The following HSPBAP1 variants were observed in gnomAD, a reference collection of about 807,000 sequenced individuals.
The protein encoded by HSPBAP1 is HSPB1-associated protein 1.
A neutral mutation model predicts 45.2 loss-of-function variants in HSPBAP1; 27 were observed. That is an observed-to-expected ratio of 0.60 (90% CI 0.44 to 0.82). HSPBAP1 has a LOEUF of 0.82. Ranked by LOEUF, HSPBAP1 falls within the 40% of genes least tolerant of loss-of-function variation. The pLI is 0.00. For missense variants in HSPBAP1, 510 were observed against 590.9 expected (o/e 0.86, Z 1.42); for synonymous variants, 204 against 202.7 (o/e 1.01, Z -0.06).
At chr3:122,742,968 C>T (rs551619727) in intron 6 of HSPBAP1, among the ~76,000 whole-genome samples, 10 of 152,262 alleles carry the variant, frequency 6.6e-5, no homozygotes, top group East Asian at 3.9e-4. Flanking sequence ...TATCTATCTA[C>T]GTATATACTC....
chr3:122,747,991 G>A (rs1241582969), intron 6 of HSPBAP1, among the ~76,000 whole-genome samples: 1 of 152,220 alleles, frequency 6.6e-6, no homozygotes, highest in Non-Finnish European at 1.5e-5. Flanking sequence ...CCGTGTCTGT[G>A]TAGAAAGAAG....
At chr3:122,751,732 A>G (rs910905047) in intron 6 of HSPBAP1, among the ~76,000 whole-genome samples, 1 of 152,206 alleles carries the variant, frequency 6.6e-6, no homozygotes, top group Admixed American at 6.5e-5. Context: ...GCTATAGGCG[A>G]AATTTCTGTG....
intron 1 of HSPBAP1, among the ~76,000 whole-genome samples, chr3:122,780,407 G>C (rs1171665565): frequency 6.8e-5 from 8 of 117,944 alleles, no homozygotes; most frequent in African/African-American, 1.9e-4. Flanking sequence ...CCTCCTGGAC[G>C]GGGCGGCTGG....
At chr3:122,771,440 C>T (rs990112964) in intron 2 of HSPBAP1, among the ~76,000 whole-genome samples, 3 of 152,180 alleles carry the variant, frequency 2.0e-5, no homozygotes, top group African/African-American at 7.2e-5. Flanking sequence ...CAACTGAGGT[C>T]AGGATTTGGC....
At chr3:122,753,109 G>T in intron 5 of HSPBAP1, 1 of 505,750 alleles carries the variant, frequency 2.0e-6, no homozygotes, top group South Asian at 8.7e-5. Context: ...TGGCATTATA[G>T]AAGTGGTAAA....
intron 1 of HSPBAP1, among the ~76,000 whole-genome samples, chr3:122,786,927 T>A (rs1935678453): frequency 6.6e-6 from 1 of 152,218 alleles, no homozygotes; most frequent in African/African-American, 2.4e-5. Flanking sequence ...TGTTACAATT[T>A]CCTTTAAAGA....
At chr3:122,768,606 A>C (rs1934870736) in intron 3 of HSPBAP1, 95 bp downstream of exon 3, 1 of 777,598 alleles carries the variant, frequency 1.3e-6, no homozygotes, top group South Asian at 1.8e-5. Flanking sequence ...TACTTATGAG[A>C]GAAAAAGGCA....
At chr3:122,752,939 A>C in intron 5 of HSPBAP1, 4 of 1,145,302 alleles carry the variant, frequency 3.5e-6, no homozygotes, top group Non-Finnish European at 4.3e-6. Flanking sequence ...GTCTGCACCT[A>C]AATCTTAGTA....
chr3:122,778,233 T>C (rs1270334529), intron 1 of HSPBAP1, among the ~76,000 whole-genome samples: 1 of 150,434 alleles, frequency 6.6e-6, no homozygotes, highest in Non-Finnish European at 1.5e-5. Context: ...TTTTTTTTAA[T>C]GTGTATAGTG....
Position 122,783,519 on chromosome 3 carries a change from G to A in HSPBAP1, c.65-5613C>T, listed in dbSNP as rs558273207. Reference sequence around the variant, plus strand: ...CTCTAGCTGAGGCTGACGTAAAACAGGTTAACAGGGAAAAGCATACAAACA... The same window carrying A: ...CTCTAGCTGAGGCTGACGTAAAACAAGTTAACAGGGAAAAGCATACAAACA... On this transcript the variant is annotated intron_variant, in intron 1 of 7. Transcript: ENST00000306103. Among the ~76,000 whole-genome samples, 3 of 152,260 alleles carry A rather than the reference G, an allele frequency of 2.0e-5. No individual in the cohort carries two copies. The East Asian group carries it at 5.8e-4, about 29-fold the overall frequency.
intron 1 of HSPBAP1, among the ~76,000 whole-genome samples, chr3:122,778,634 G>C (rs1012047494): frequency 6.6e-6 from 1 of 151,150 alleles, no homozygotes; most frequent in African/African-American, 2.4e-5. Flanking sequence ...GGTTCACGCC[G>C]TTCTCCTGCC....
Position 122,755,268 on chromosome 3 carries a change from G to T in HSPBAP1, c.733C>A (p.Pro245Thr). Reference sequence around the variant, plus strand: ...TTTTAAAGCCCTATTACCTGTCCTGGGCTCAGTGTAACCGCATGTCTTTGA... The same window carrying T: ...TTTTAAAGCCCTATTACCTGTCCTGTGCTCAGTGTAACCGCATGTCTTTGA... Reference protein sequence around the residue: ...KAQRHAVTLSPGQVLFVPRHW... With the variant: ...KAQRHAVTLSTGQVLFVPRHW... Residue 245 changes from proline to threonine, a missense_variant, in exon 5 of 8, where the codon CCA becomes ACA. Transcript: ENST00000306103. 1 of 1,577,532 alleles carries T rather than the reference G, an allele frequency of 6.3e-7. No homozygotes were observed. Among genetic ancestry groups the T allele is most frequent in the East Asian group, 2.3e-5 (1 of 43,698 alleles).
At chr3:122,764,322 A>C (rs983416911) in intron 3 of HSPBAP1, among the ~76,000 whole-genome samples, 1 of 152,030 alleles carries the variant, frequency 6.6e-6, no homozygotes, top group African/African-American at 2.4e-5. Flanking sequence ...TTTGACTTAA[A>C]CCCCTAGCTT....
rs112894281 is a variant in HSPBAP1, at chr3:122,786,120, T to TA, written c.64+7496dup. Among the ~76,000 whole-genome samples, 827 of 145,388 alleles carry TA rather than the reference T, an allele frequency of 5.7e-3. 4 individuals are homozygous for TA. Among genetic ancestry groups the TA allele is most frequent in the African/African-American group, 0.017 (690 of 39,670 alleles). ...TACTACCTCCTGAATCCTTTTAGAT[T>TA]AAAAAAAAAAACAAAATTCCTTCTA... On this transcript the variant is annotated intron_variant, in intron 1 of 7. Transcript: ENST00000306103.
In HSPBAP1 at chr3:122,768,776, G is replaced by C. The variant is rs767213813; in HGVS notation, c.357C>G (p.Asp119Glu). 1 of 1,611,860 alleles carries C rather than the reference G, an allele frequency of 6.2e-7. No homozygotes were observed. The highest frequency in any genetic ancestry group is 2.2e-5 in the East Asian group (1 of 44,858). Residue 119 changes from aspartate to glutamate, a missense_variant, in exon 3 of 8, where the codon GAC becomes GAG. Transcript: ENST00000306103. Reference sequence around the variant, plus strand: ...CAGCATAAGCCCAGAACTTGGAATGGTCATAATCTCTAAATGGTCCAGAAA... The same window carrying C: ...CAGCATAAGCCCAGAACTTGGAATGCTCATAATCTCTAAATGGTCCAGAAA... ...SSISGPFRDYDHSKFWAYADY... is the reference protein window; with the variant it reads ...SSISGPFRDYEHSKFWAYADY...
chr3:122,752,063 A>G (rs1934168666), intron 6 of HSPBAP1, among the ~76,000 whole-genome samples: 1 of 152,266 alleles, frequency 6.6e-6, no homozygotes, highest in South Asian at 2.1e-4. Context: ...TAATTGTCAA[A>G]TAGAGCAGGC....
intron 3 of HSPBAP1, 93 bp from the exon 4 acceptor site, chr3:122,759,453 C>A: frequency 7.7e-7 from 1 of 1,299,826 alleles, no homozygotes; most frequent in Non-Finnish European, 1.1e-6. Flanking sequence ...TGTTATTTAG[C>A]AGTTGGAATA....
chr3:122,781,039 C>T (rs1268271721), intron 1 of HSPBAP1, among the ~76,000 whole-genome samples: 4 of 150,756 alleles, frequency 2.7e-5, no homozygotes, highest in Admixed American at 6.6e-5. Context: ...GATGGGATGG[C>T]GGCCGGGCAG....
rs558997369 is a variant in HSPBAP1, at chr3:122,757,949, C to T, written c.569+1275G>A. Among the ~76,000 whole-genome samples, 7 of 152,318 alleles carry T rather than the reference C, an allele frequency of 4.6e-5. No homozygotes were observed. The South Asian group carries it at 1.5e-3, about 32-fold the overall frequency. ...ACCACACTCATCTGATTGACTCTTG[C>T]ATCCACAGCGTGTAGCTATGTACCT... On this transcript the variant is annotated intron_variant, in intron 4 of 7. Coordinates refer to ENST00000306103, the MANE Select transcript of HSPBAP1 (RefSeq NM_024610.6).
Sources: gnomAD v4.1 joint callset for allele counts (sites outside exome capture counted in the v4.1 genomes callset) on GRCh38, gnomAD v4.1.1 for gene constraint, MANE v1.5 for transcripts, NCBI Gene and HGNC (gene_info 2026-07-23, HGNC 2026-07-21) for gene names.